The following SLC39A14 variants were observed in gnomAD, a reference collection of about 807,000 sequenced individuals.
The protein encoded by SLC39A14 is solute carrier family 39 member 14, also known as metal cation symporter ZIP14.
SLC39A14 carries 19 observed loss-of-function variants against 45.5 expected under a neutral mutation model. That is an observed-to-expected ratio of 0.42 (90% CI 0.29 to 0.61). SLC39A14 has a LOEUF of 0.61. SLC39A14 is among the 20% of genes least tolerant of loss of function. The pLI, the probability that SLC39A14 is intolerant of heterozygous loss-of-function variation, is 0.22. For synonymous variants in SLC39A14, 264 were observed against 251.3 expected, an observed-to-expected ratio of 1.05 and a Z score of -0.48; for missense variants, 447 against 616.5, an observed-to-expected ratio of 0.73 and a Z score of 2.91.
chr8:22,391,137 A>G (rs976309448), intron 1 of SLC39A14, among the ~76,000 whole-genome samples: 1 of 152,166 alleles, frequency 6.6e-6, no homozygotes, highest in Non-Finnish European at 1.5e-5. Context: ...AGGAGCCTCT[A>G]GGCCATTTAA....
Position 22,404,731 on chromosome 8 carries a change from C to A in SLC39A14, c.21C>A (p.His7Gln). 1.2e-6 allele frequency: 2 copies of A among 1,613,652 alleles called. No individual in the cohort carries two copies. The highest frequency in any genetic ancestry group is 1.7e-6 in the Non-Finnish European group (2 of 1,179,940). MKLLLL[H>Q]PAFQSCLLLT... ...TCACCATGAAGCTGCTGCTGCTGCA[C>A]CCGGCCTTCCAGAGCTGCCTCCTGC... The change falls in exon 2 of 9, where the codon CAC becomes CAA. Residue 7 changes from histidine (H) to glutamine (Q), a missense_variant. His to Gln is a conservative substitution (Grantham distance 24). Coordinates refer to ENST00000381237, the MANE Select transcript of SLC39A14 (RefSeq NM_001128431.4).
intron 8 of SLC39A14, among the ~76,000 whole-genome samples, chr8:22,429,115 A>T (rs1167472121): frequency 6.6e-6 from 1 of 152,072 alleles, no homozygotes; most frequent in Non-Finnish European, 1.5e-5. Context: ...TACTAAAAAT[A>T]CAAAAAATTG....
chr8:22,397,838 C>T (rs1834596441), intron 1 of SLC39A14, among the ~76,000 whole-genome samples: 2 of 152,146 alleles, frequency 1.3e-5, no homozygotes, highest in Non-Finnish European at 2.9e-5. Flanking sequence ...GTGGAGAAAG[C>T]GCAGTCTGCT....
At chr8:22,409,648 C>T (rs1261391560) in intron 3 of SLC39A14, among the ~76,000 whole-genome samples, 1 of 152,098 alleles carries the variant, frequency 6.6e-6, no homozygotes, top group African/African-American at 2.4e-5. Flanking sequence ...TCCCAAAGTG[C>T]TGGGATTATA....
At position 22,408,560 on chromosome 8, in the gene SLC39A14, G is replaced by A. The variant is rs181530530; in HGVS notation, c.457+64G>A. On this transcript the variant is annotated intron_variant, in intron 3 of 8. Coordinates refer to ENST00000381237, the MANE Select transcript of SLC39A14 (RefSeq NM_001128431.4). ...TCGCCCGCGTCTCACAAGGACCCCT[G>A]GGCTGAGCTGCTGCTGCTCCTCACT... 132 of 1,452,036 alleles carry A rather than the reference G, an allele frequency of 9.1e-5. 1 individual carries two copies. In the Admixed American group the frequency reaches 2.7e-3, roughly 30 times the overall value. 89.9% of individuals were successfully genotyped at this position (1,452,036 alleles called of 1,614,324 possible). A position where few individuals can be genotyped will look rare whatever the true frequency, so the allele number is the denominator to read the frequency against.
intron 1 of SLC39A14, among the ~76,000 whole-genome samples, chr8:22,402,508 G>A (rs1419636868): frequency 2.6e-5 from 4 of 152,196 alleles, no homozygotes; most frequent in Admixed American, 6.5e-5. Context: ...GGTGGCATAC[G>A]CCTACAATCC....
At chr8:22,407,369 T>C (rs114631715) in intron 2 of SLC39A14, among the ~76,000 whole-genome samples, 24 of 152,284 alleles carry the variant, frequency 1.6e-4, no homozygotes, top group African/African-American at 5.5e-4. Flanking sequence ...CTTTCTCTTT[T>C]GTTTTGTGGG....
intron 1 of SLC39A14, chr8:22,392,975 T>C (rs1834166857): frequency 6.6e-6 from 1 of 152,498 alleles, no homozygotes; most frequent in Admixed American, 6.5e-5. Context: ...TAAATATTAG[T>C]TGGTGAACAG....
In SLC39A14 at chr8:22,420,788, T is replaced by C. The variant is rs915974561; in HGVS notation, c.*1090T>C. 5.1e-6 allele frequency: 5 copies of C among 985,424 alleles called. No homozygotes were observed. The highest frequency in any genetic ancestry group is 6.0e-6 in the Non-Finnish European group (5 of 829,930). 61.0% of individuals were successfully genotyped at this position (985,424 alleles called of 1,614,324 possible). A position where few individuals can be genotyped will look rare whatever the true frequency, so the allele number is the denominator to read the frequency against. On this transcript the variant is annotated 3_prime_UTR_variant, in exon 9 of 9. Transcript: ENST00000381237. ...CATGACTAATAGGGGGTCTCTGAAA[T>C]GTAAGGGCACAAACTTCACTTAGGG...
intron 8 of SLC39A14, among the ~76,000 whole-genome samples, chr8:22,432,692 C>CGCTGGAGTGCAATGGCATGATCTCA (rs1250477266): frequency 1.4e-5 from 2 of 148,032 alleles, no homozygotes; most frequent in Non-Finnish European, 3.0e-5. Context: ...TTGTTGCCCA[C>CGCTGGAGTGCAATGGCATGATCTCA]GCTGGAGTGC....
intron 1 of SLC39A14, among the ~76,000 whole-genome samples, chr8:22,395,396 C>T (rs1373876744): frequency 6.6e-6 from 1 of 152,148 alleles, no homozygotes; most frequent in Non-Finnish European, 1.5e-5. Context: ...TTTTCTTGTC[C>T]ATCTGCATTC....
intron 1 of SLC39A14, among the ~76,000 whole-genome samples, chr8:22,397,760 T>C (rs1201394147): frequency 1.3e-5 from 2 of 152,218 alleles, no homozygotes; most frequent in Non-Finnish European, 2.9e-5. Context: ...CATGGTTATC[T>C]GCTAGCTGGA....
intron 1 of SLC39A14, among the ~76,000 whole-genome samples, chr8:22,374,672 CAG>C (rs1260473671): frequency 6.6e-6 from 1 of 150,762 alleles, no homozygotes; most frequent in African/African-American, 2.4e-5. Context: ...TCTTGGAACT[CAG>C]AGCTGTTTCC....
chr8:22,411,339 AC>A (rs1415619110), intron 3 of SLC39A14, among the ~76,000 whole-genome samples: 1 of 151,962 alleles, frequency 6.6e-6, no homozygotes, highest in Non-Finnish European at 1.5e-5. Context: ...TGTTCCTGGA[AC>A]TCTGTTCTTT....
intron 1 of SLC39A14, among the ~76,000 whole-genome samples, chr8:22,370,176 ACATGTG>A (rs1832852573): frequency 1.3e-5 from 2 of 151,998 alleles, no homozygotes; most frequent in African/African-American, 4.8e-5. Context: ...ACATCTGTGC[ACATGTG>A]CGTGTGCGTG....
chr8:22,385,120 G>T (rs947006963), intron 1 of SLC39A14, among the ~76,000 whole-genome samples: 39 of 152,262 alleles, frequency 2.6e-4, no homozygotes, highest in African/African-American at 9.4e-4. Context: ...TTTTACATCT[G>T]TATTCCAGGC....
intron 7 of SLC39A14, among the ~76,000 whole-genome samples, chr8:22,417,313 T>G (rs1472822121): frequency 6.6e-6 from 1 of 152,196 alleles, no homozygotes; most frequent in Non-Finnish European, 1.5e-5. Flanking sequence ...TGAGAAAGAT[T>G]TTCAGCCTTT....
Position 22,422,618 on chromosome 8 carries a change from T to A in SLC39A14, c.*2920T>A. 1.0e-6 allele frequency: 1 copy of A among 982,608 alleles called. No homozygotes were observed. Among genetic ancestry groups the A allele is most frequent in the Non-Finnish European group, 1.2e-6 (1 of 827,158 alleles). The allele number at this position is 982,608 out of a possible 1,614,324, so 60.9% of individuals were successfully genotyped here. A position where few individuals can be genotyped will look rare whatever the true frequency, so the allele number is the denominator to read the frequency against. Reference sequence around the variant, plus strand: ...AAGAAATTAGAAAAGAAAATTAACTTATGTGGACTGTAAATGTTTTATTTG... The same window carrying A: ...AAGAAATTAGAAAAGAAAATTAACTAATGTGGACTGTAAATGTTTTATTTG... On this transcript the variant is annotated 3_prime_UTR_variant, in exon 9 of 9. Coordinates refer to ENST00000381237, the MANE Select transcript of SLC39A14 (RefSeq NM_001128431.4).
Position 22,385,183 on chromosome 8 carries a change from A to AG in SLC39A14, c.-16+17781dup, listed in dbSNP as rs1404536628. Among the ~76,000 whole-genome samples, 3 of 152,212 alleles carry AG rather than the reference A, an allele frequency of 2.0e-5. No individual in the cohort carries two copies. In the East Asian group the frequency reaches 5.8e-4, roughly 29 times the overall value. ...AGTTCCGTTGAAACAACTGCAGGAG[A>AG]GGGGGGTCCCTGCCCTCTCCCCAAG... On this transcript the variant is annotated intron_variant, in intron 1 of 8. Transcript: ENST00000381237.
Sources: gnomAD v4.1 joint callset for allele counts (sites outside exome capture counted in the v4.1 genomes callset) on GRCh38, gnomAD v4.1.1 for gene constraint, MANE v1.5 for transcripts, NCBI Gene and HGNC (gene_info 2026-07-23, HGNC 2026-07-21) for gene names.